The following CRISP1 variants were observed in gnomAD, a reference collection of about 807,000 sequenced individuals.
CRISP1 encodes the protein cysteine rich secretory protein 1.
CRISP1 carries 44 observed loss-of-function variants against 33.1 expected under a neutral mutation model. The ratio of observed to expected loss-of-function variants is 1.33; its 90% CI spans 1.05 to 1.71. The LOEUF is 1.71. Ranked by LOEUF, CRISP1 falls within the 40% of genes most tolerant of loss-of-function variation. The probability of loss-of-function intolerance (pLI) is 0.00; values close to 1 mark genes in which losing one functional copy is unlikely to be tolerated. For synonymous variants in CRISP1, 103 were observed against 98.7 expected (o/e 1.04, Z -0.26); for missense variants, 390 against 301.2 (o/e 1.29, Z -2.18).
At chr6:49,874,544 T>C (rs1467022777) in intron 1 of CRISP1, among the ~76,000 whole-genome samples, 1 of 152,064 alleles carries the variant, frequency 6.6e-6, no homozygotes, top group Non-Finnish European at 1.5e-5. Flanking sequence ...CTTCAGGATA[T>C]TATTTTATGA....
At chr6:49,846,691 G>C (rs747758048) in intron 4 of CRISP1, 23 bp from the exon 5 acceptor site, 17 of 1,608,602 alleles carry the variant, frequency 1.1e-5, no homozygotes, top group Non-Finnish European at 1.4e-5. Flanking sequence ...AACGGGCTGG[G>C]TCATACTCTG....
At chr6:49,842,276 T>C (rs1253170696) in intron 5 of CRISP1, among the ~76,000 whole-genome samples, 1 of 152,190 alleles carries the variant, frequency 6.6e-6, no homozygotes, top group Non-Finnish European at 1.5e-5. Flanking sequence ...TAAGAGACCC[T>C]GTTGAACTCA....
At chr6:49,845,640 A>G (rs558300881) in intron 5 of CRISP1, among the ~76,000 whole-genome samples, 4 of 152,132 alleles carry the variant, frequency 2.6e-5, no homozygotes, top group African/African-American at 9.7e-5. Context: ...TGCCCAAAAC[A>G]ATTGAAAGCA....
chr6:49,836,126 T>C (rs909744101), intron 7 of CRISP1, among the ~76,000 whole-genome samples: 2 of 152,156 alleles, frequency 1.3e-5, no homozygotes, highest in African/African-American at 4.8e-5. Flanking sequence ...AACTAACCAA[T>C]GTATCTATTT....
Position 49,840,220 on chromosome 6 carries a change from G to T in CRISP1, c.533+678C>A, listed in dbSNP as rs1051008449. Among the ~76,000 whole-genome samples, 3 of 152,098 alleles carry T rather than the reference G, an allele frequency of 2.0e-5. No individual in the cohort carries two copies. The South Asian group carries it at 6.2e-4, about 32-fold the overall frequency. On this transcript the variant is annotated intron_variant, in intron 6 of 7. Transcript: ENST00000335847. Reference sequence around the variant, plus strand: ...AACCGTCACTGGAGCCACACAGTTGGGCCCTGCAGTCATCCTTGTCTTACT... The same window carrying T: ...AACCGTCACTGGAGCCACACAGTTGTGCCCTGCAGTCATCCTTGTCTTACT...
upstream of CRISP1, among the ~76,000 whole-genome samples, chr6:49,870,676 T>G (rs535695310): frequency 2.0e-5 from 3 of 152,300 alleles, no homozygotes; most frequent in Admixed American, 2.0e-4. Context: ...TCACCCAAAT[T>G]TACTTGAGTT....
chr6:49,847,113 T>C (rs1023284971), intron 4 of CRISP1, among the ~76,000 whole-genome samples: 1 of 152,178 alleles, frequency 6.6e-6, no homozygotes, highest in Non-Finnish European at 1.5e-5. Context: ...GGAGTATCTG[T>C]CTTTTCTTAA....
chr6:49,868,799 A>G (rs1582287490), upstream of CRISP1, among the ~76,000 whole-genome samples: 1 of 152,222 alleles, frequency 6.6e-6, no homozygotes, highest in African/African-American at 2.4e-5. Context: ...GTATGTTGCA[A>G]GGGCTCAATG....
chr6:49,875,222 A>T (rs533952448), intron 1 of CRISP1, among the ~76,000 whole-genome samples: 1 of 152,088 alleles, frequency 6.6e-6, no homozygotes, highest in Non-Finnish European at 1.5e-5. Flanking sequence ...AAAGTCTCAG[A>T]ATACAAAGTC....
At chr6:49,864,372 T>G in intron 1 of CRISP1, among the ~76,000 whole-genome samples, 1 of 147,474 alleles carries the variant, frequency 6.8e-6, no homozygotes, top group Non-Finnish European at 1.5e-5. Context: ...TAGTAAACAC[T>G]GTTGCTATTC....
chr6:49,840,834 T>G, intron 6 of CRISP1, 64 bp downstream of exon 6: 1 of 1,287,822 alleles, frequency 7.8e-7, no homozygotes, highest in African/African-American at 1.5e-5. Flanking sequence ...AAAAAAACAA[T>G]GTTTGAAAAA....
chr6:49,856,531 G>A (rs565515371), intron 2 of CRISP1, among the ~76,000 whole-genome samples: 6 of 152,158 alleles, frequency 3.9e-5, no homozygotes, highest in African/African-American at 1.4e-4. Context: ...TGAGTAATAG[G>A]AACCAAATAC....
chr6:49,858,278 T>C (rs1433189219), intron 1 of CRISP1, among the ~76,000 whole-genome samples: 1 of 152,208 alleles, frequency 6.6e-6, no homozygotes, highest in Non-Finnish European at 1.5e-5. Flanking sequence ...AACTCTAGGA[T>C]ATTAATAAGT....
chr6:49,864,469 T>C (rs866717593), intron 1 of CRISP1, among the ~76,000 whole-genome samples: 25 of 151,562 alleles, frequency 1.6e-4, no homozygotes, highest in Non-Finnish European at 3.4e-4. Context: ...TTGGGCTGTA[T>C]GGTATACACA....
Position 49,839,954 on chromosome 6 carries a change from T to C in CRISP1, c.533+944A>G, listed in dbSNP as rs553258350. On this transcript the variant is annotated intron_variant, in intron 6 of 7. Transcript: ENST00000335847. ...TTCAAATAAATCATGTTCATTGATT[T>C]ATACTGAACATTTTGTATTGTGCTA... Among the ~76,000 whole-genome samples the C allele has an allele frequency of 3.3e-5, 5 of 152,348 alleles. No homozygotes were observed. The South Asian group carries it at 1.0e-3, about 32-fold the overall frequency.
chr6:49,846,539 G>A lies in CRISP1; in HGVS notation c.416C>T (p.Thr139Ile). ...GGTTACCTGAGTGTAGTGGTCAGTA[G>A]TTATGTCATCATCCGTTGTTGTCCA... The part of the protein sequence containing the change: ...GEWTTTDDDI[T>I]TDHYTQIVWA... Residue 139 changes from threonine (T) to isoleucine (I), a missense_variant, in exon 5 of 8, where the codon ACT (threonine) becomes ATT (isoleucine). Physicochemically the swap from Thr to Ile is moderately conservative, Grantham distance 89. Transcript: ENST00000335847. The A allele has an allele frequency of 6.2e-7, 1 of 1,613,400 alleles. No individual in the cohort carries two copies. Among genetic ancestry groups the A allele is most frequent in the Non-Finnish European group, 8.5e-7 (1 of 1,179,598 alleles).
chr6:49,853,445 T>C (rs1380889201), intron 2 of CRISP1, among the ~76,000 whole-genome samples: 2 of 152,192 alleles, frequency 1.3e-5, no homozygotes, highest in African/African-American at 4.8e-5. Context: ...AACATCCACA[T>C]GGATGAATCC....
At chr6:49,850,549 A>T (rs891538849) in intron 3 of CRISP1, among the ~76,000 whole-genome samples, 1 of 151,790 alleles carries the variant, frequency 6.6e-6, no homozygotes, top group African/African-American at 2.4e-5. Context: ...CTTCAGTCCT[A>T]TTGTTCCTTA....
intron 1 of CRISP1, among the ~76,000 whole-genome samples, chr6:49,874,205 C>T (rs1771983925): frequency 6.6e-6 from 1 of 152,018 alleles, no homozygotes; most frequent in South Asian, 2.1e-4. Flanking sequence ...GATAGATCTT[C>T]CTTCAGTAGC....
Sources: gnomAD v4.1 joint callset for allele counts (sites outside exome capture counted in the v4.1 genomes callset) on GRCh38, gnomAD v4.1.1 for gene constraint, MANE v1.5 for transcripts, NCBI Gene and HGNC (gene_info 2026-07-23, HGNC 2026-07-21) for gene names.